PRDM15: variants seen among roughly 807,000 people sequenced by gnomAD.
PRDM15 encodes PR/SET domain 15.
In PRDM15, 64 loss-of-function variants were observed where a neutral mutation model predicts 128.6. That is an observed-to-expected ratio of 0.50 (90% confidence interval 0.41 to 0.61). The LOEUF (loss-of-function observed/expected upper bound fraction) is 0.61. PRDM15 is among the 20% of genes least tolerant of loss of function. The pLI is 0.00. For synonymous variants in PRDM15, 615 were observed against 621.8 expected, an observed-to-expected ratio of 0.99 and a Z score of 0.16; for missense variants, 1,242 against 1,569.1, an observed-to-expected ratio of 0.79 and a Z score of 3.52.
intron 5 of PRDM15, among the ~76,000 whole-genome samples, chr21:41,853,662 C>T (rs981947411): frequency 3.3e-5 from 5 of 152,198 alleles, no homozygotes; most frequent in East Asian, 1.9e-4. Flanking sequence ...GCCCTGACCC[C>T]GGCTTAGCAG....
chr21:41,861,658 C>A (rs62621406), intron 1 of PRDM15: 127,763 of 1,613,950 alleles, frequency 0.079, 5,761 homozygotes, highest in South Asian at 0.12. Context: ...TGATTCCACA[C>A]GCCCTCCACC....
intron 21 of PRDM15, among the ~76,000 whole-genome samples, chr21:41,806,039 C>CCACCATCACCACCACCACCATCACCAT (rs1568879970): frequency 1.4e-4 from 4 of 29,070 alleles, no homozygotes; most frequent in Non-Finnish European, 2.3e-4. Flanking sequence ...ACCATCACCA[C>CCACCATCACCACCACCACCATCACCAT]CACCATCACC....
chr21:41,823,089 C>T, intron 14 of PRDM15: 1 of 528,092 alleles, frequency 1.9e-6, no homozygotes, highest in Non-Finnish European at 3.5e-6. Flanking sequence ...CCCTACCCTT[C>T]TACCATGTGA....
chr21:41,830,244 AC>A (rs2062636693), intron 11 of PRDM15, among the ~76,000 whole-genome samples: 9 of 151,076 alleles, frequency 6.0e-5, no homozygotes, highest in African/African-American at 2.2e-4. Flanking sequence ...CTCAANACAC[AC>A]CACACACACA....
chr21:41,820,914 C>A (rs924542922), intron 16 of PRDM15, among the ~76,000 whole-genome samples, 153 bp downstream of exon 16: 3 of 152,192 alleles, frequency 2.0e-5, no homozygotes, highest in Non-Finnish European at 4.4e-5. Flanking sequence ...CCAGCTGCCC[C>A]CGAGCCCTGC....
At position 41,810,519 on chromosome 21, in the gene PRDM15, T is replaced by G; in HGVS notation, c.2477-190A>C. ...AGAGCCTCTGTCCCTTGGGGAGCACTGCCAGCAGCAGCTGCATCACGGAAC... is the reference window on the plus strand; with the variant it reads ...AGAGCCTCTGTCCCTTGGGGAGCACGGCCAGCAGCAGCTGCATCACGGAAC... On this transcript the variant is annotated intron_variant, in intron 20 of 23. Coordinates refer to ENST00000398548, the MANE Select transcript of PRDM15 (RefSeq NM_001040424.3). The surrounding 1 kb of genome is among the most constrained non-coding windows in gnomAD (Gnocchi z 6.4). The G allele has an allele frequency of 1.5e-6, 1 of 660,670 alleles. No homozygotes were observed. Among genetic ancestry groups the G allele is most frequent in the South Asian group, 1.9e-5 (1 of 52,336 alleles). 40.9% of individuals were successfully genotyped at this position (660,670 alleles called of 1,614,324 possible).
intron 22 of PRDM15, 78 bp from the exon 23 acceptor site, chr21:41,802,999 C>A: frequency 9.1e-7 from 1 of 1,096,028 alleles, no homozygotes; most frequent in Non-Finnish European, 1.4e-6. Context: ...CCCAGCACTG[C>A]CCTGGACACA....
In PRDM15 at chr21:41,815,871, C is replaced by A. The variant is rs2062032623; in HGVS notation, c.2261-35G>T. 4 of 1,606,986 alleles carry A rather than the reference C, an allele frequency of 2.5e-6. No individual in the cohort carries two copies. The East Asian group carries it at 8.9e-5, about 36-fold the overall frequency. On this transcript the variant is annotated intron_variant, in intron 18 of 23. Transcript: ENST00000398548. ...CACAGCGAGTCAGAGGCGGCCACAC[C>A]CCCACGCAGCCCACCTGGGGGCCCA...
intron 6 of PRDM15, among the ~76,000 whole-genome samples, chr21:41,840,806 AG>A (rs1216328979): frequency 7.9e-5 from 12 of 152,288 alleles, no homozygotes; most frequent in Admixed American, 7.8e-4. Context: ...AAAAAAAGCA[AG>A]GGCATGCTGA....
At chr21:41,878,849 G>GA (rs1267168970) in intron 1 of PRDM15, 31 of 1,006,100 alleles carry the variant, frequency 3.1e-5, no homozygotes, top group Non-Finnish European at 3.7e-5. Context: ...GCGGGCCGGG[G>GA]CGGCGAAGAC....
chr21:41,819,208 AG>A (rs1410925506), intron 18 of PRDM15, among the ~76,000 whole-genome samples: 1 of 152,202 alleles, frequency 6.6e-6, no homozygotes, highest in Admixed American at 6.5e-5. Context: ...ATGGGCTTCC[AG>A]GGCCACACTC....
intron 11 of PRDM15, among the ~76,000 whole-genome samples, chr21:41,831,591 C>T (rs897390840): frequency 2.6e-5 from 4 of 152,250 alleles, no homozygotes; most frequent in Non-Finnish European, 5.9e-5. Flanking sequence ...ACAACCTCCC[C>T]CGGGAGAGCC....
chr21:41,844,458 CAG>C (rs1408571765), intron 6 of PRDM15, among the ~76,000 whole-genome samples: 3 of 90,710 alleles, frequency 3.3e-5, no homozygotes, highest in Non-Finnish European at 4.5e-5. Context: ...CACACACACA[CAG>C]AGCCCCTCCC....
At chr21:41,856,593 T>C (rs2063642590) in intron 4 of PRDM15, among the ~76,000 whole-genome samples, 2 of 152,174 alleles carry the variant, frequency 1.3e-5, no homozygotes, top group African/African-American at 4.8e-5. Context: ...CCTGGCCTCA[T>C]AGCCTTCCAG....
At chr21:41,804,483 G>T (rs542119415) in intron 22 of PRDM15, 51 bp downstream of exon 22, 3 of 1,381,366 alleles carry the variant, frequency 2.2e-6, no homozygotes, top group Admixed American at 3.9e-5. Context: ...CCTTCTGCAG[G>T]TGTCCACTTA....
At chr21:41,806,066 TCACCACCACCATCACCAC>T (rs2061576229) in intron 21 of PRDM15, among the ~76,000 whole-genome samples, 1 of 7,598 alleles carries the variant, frequency 1.3e-4, no homozygotes, top group East Asian at 4.8e-3. Context: ...ACCATCACCA[TCACCACCACCATCACCAC>T]CACCACCATC....
chr21:41,803,395 T>C (rs1317740411), intron 22 of PRDM15, among the ~76,000 whole-genome samples: 2 of 152,200 alleles, frequency 1.3e-5, no homozygotes, highest in African/African-American at 4.8e-5. Context: ...CCAGCTGCAG[T>C]GGTGAGCCCA....
chr21:41,867,002 A>T (rs12482809), intron 1 of PRDM15, among the ~76,000 whole-genome samples: 15,832 of 152,202 alleles, frequency 0.1, 1,014 homozygotes, highest in African/African-American at 0.17. Context: ...TTGTTACCAG[A>T]TGGGTGGATG....
At chr21:41,861,985 T>A (rs2063830013) in intron 1 of PRDM15, 1 of 1,613,266 alleles carries the variant, frequency 6.2e-7, no homozygotes, top group Admixed American at 1.7e-5. Context: ...CATAGCCGCA[T>A]TCGGCCTTGC....
Sources: allele counts gnomAD v4.1 joint callset (sites outside exome capture counted in the v4.1 genomes callset), GRCh38; gene constraint gnomAD v4.1.1; non-coding constraint Gnocchi (gnomAD v3.1); transcripts MANE v1.5; gene names NCBI Gene and HGNC (gene_info 2026-07-23, HGNC 2026-07-21).